DTNBP1: variants seen among roughly 807,000 people sequenced by gnomAD.
DTNBP1 encodes dystrobrevin binding protein 1, also known as dysbindin.
A neutral mutation model predicts 42.8 loss-of-function variants in DTNBP1; 35 were observed. That is an observed-to-expected ratio of 0.82 (90% CI 0.63 to 1.09). The LOEUF (loss-of-function observed/expected upper bound fraction) is 1.09. Ranked by LOEUF, DTNBP1 falls within the 50% of genes least tolerant of loss-of-function variation. DTNBP1 has a pLI of 0.00. For synonymous variants in DTNBP1, 171 were observed against 162.2 expected, an observed-to-expected ratio of 1.05 and a Z score of -0.41; for missense variants, 457 against 424.2, an observed-to-expected ratio of 1.08 and a Z score of -0.68.
At chr6:15,528,643 G>A (rs1432840464) in intron 8 of DTNBP1, among the ~76,000 whole-genome samples, 4 of 152,178 alleles carry the variant, frequency 2.6e-5, no homozygotes, top group Admixed American at 1.3e-4. Context: ...AAGTGCCGGC[G>A]AAGATGTAAT....
At chr6:15,612,100 T>C (rs1758439233) in intron 6 of DTNBP1, among the ~76,000 whole-genome samples, 1 of 152,200 alleles carries the variant, frequency 6.6e-6, no homozygotes, top group Admixed American at 6.5e-5. Context: ...CAAACTTCAT[T>C]GTTATCTTAT....
chr6:15,613,726 T>C (rs961968564), intron 6 of DTNBP1, among the ~76,000 whole-genome samples: 1 of 152,078 alleles, frequency 6.6e-6, no homozygotes, highest in African/African-American at 2.4e-5. Flanking sequence ...ACAAATGAAA[T>C]GTACAGAAAG....
At chr6:15,529,738 G>A (rs1025252878) in intron 8 of DTNBP1, among the ~76,000 whole-genome samples, 3 of 152,250 alleles carry the variant, frequency 2.0e-5, no homozygotes, top group Admixed American at 6.5e-5. Flanking sequence ...AGTAACTGCA[G>A]GATATCCTGA....
At chr6:15,584,360 G>A (rs1775967852) in intron 7 of DTNBP1, among the ~76,000 whole-genome samples, 1 of 152,018 alleles carries the variant, frequency 6.6e-6, no homozygotes, top group Non-Finnish European at 1.5e-5. Context: ...GAGAAAATAT[G>A]TCATTTATCA....
At chr6:15,592,535 G>A (rs557763579) in intron 7 of DTNBP1, among the ~76,000 whole-genome samples, 7 of 152,220 alleles carry the variant, frequency 4.6e-5, no homozygotes, top group African/African-American at 1.7e-4. Flanking sequence ...AAAAAGTAAT[G>A]CTGGGTGCTT....
intron 7 of DTNBP1, among the ~76,000 whole-genome samples, chr6:15,560,852 GTCTAC>G (rs1455756684): frequency 2.0e-5 from 3 of 152,180 alleles, no homozygotes; most frequent in Non-Finnish European, 4.4e-5. Flanking sequence ...TTAATAAGAA[GTCTAC>G]TCTAAGATTC....
In DTNBP1 at chr6:15,531,120, G is replaced by T. The variant is rs143547623; in HGVS notation, c.667+2120C>A. On this transcript the variant is annotated intron_variant, in intron 8 of 9. Coordinates refer to ENST00000344537, the MANE Select transcript of DTNBP1 (RefSeq NM_032122.5). ...ATAGGGAGAAGGGGGCCGTCTATAA[G>T]CAAGGAAGAGAGCCCTCATCAGAAA... Among the ~76,000 whole-genome samples the T allele has an allele frequency of 4.7e-3, 716 of 152,282 alleles. 6 individuals are homozygous for T. The highest frequency in any genetic ancestry group is 0.016 in the African/African-American group (660 of 41,550).
chr6:15,522,973 A>AT lies in DTNBP1; in HGVS notation c.*1dup, dbSNP rs1561928917. On this transcript the variant is annotated 3_prime_UTR_variant, in exon 10 of 10. Transcript: ENST00000344537. Reference sequence around the variant, plus strand: ...GTGGCCAGACAACGCCCATGTCCCAATTTAAGAGTCGCTGTCCTCACCACC... The same window carrying AT: ...GTGGCCAGACAACGCCCATGTCCCAATTTTAAGAGTCGCTGTCCTCACCACC... The AT allele has an allele frequency of 3.1e-6, 5 of 1,614,198 alleles. No individual in the cohort carries two copies. Among genetic ancestry groups the AT allele is most frequent in the South Asian group, 1.1e-5 (1 of 91,086 alleles).
At chr6:15,524,721 AAAGG>A in intron 8 of DTNBP1, 52 bp from the exon 9 acceptor site, 1 of 1,600,678 alleles carries the variant, frequency 6.2e-7, no homozygotes, top group Non-Finnish European at 8.5e-7. Flanking sequence ...TATTACTTTA[AAAGG>A]TGAACTTCCA....
At chr6:15,574,611 C>T (rs1775484883) in intron 7 of DTNBP1, among the ~76,000 whole-genome samples, 1 of 152,212 alleles carries the variant, frequency 6.6e-6, no homozygotes, top group Admixed American at 6.5e-5. Flanking sequence ...CTCCAGTGTG[C>T]ACAGAAATAA....
chr6:15,630,228 T>G (rs1562001828), intron 4 of DTNBP1, among the ~76,000 whole-genome samples: 1 of 152,242 alleles, frequency 6.6e-6, no homozygotes, highest in Admixed American at 6.5e-5. Context: ...CTTCATTTTA[T>G]TTGATTTCCA....
At chr6:15,643,800 G>A (rs148376873) in intron 3 of DTNBP1, among the ~76,000 whole-genome samples, 1 of 152,106 alleles carries the variant, frequency 6.6e-6, no homozygotes, top group African/African-American at 2.4e-5. Flanking sequence ...TCTAAACATG[G>A]AAATGAAAGA....
intron 7 of DTNBP1, among the ~76,000 whole-genome samples, chr6:15,584,057 C>G (rs921443255): frequency 3.3e-5 from 5 of 152,024 alleles, no homozygotes; most frequent in Non-Finnish European, 7.4e-5. Flanking sequence ...AATTAACAAA[C>G]AGGATATAAA....
At chr6:15,605,583 ATC>A (rs1758000793) in intron 6 of DTNBP1, among the ~76,000 whole-genome samples, 1 of 152,134 alleles carries the variant, frequency 6.6e-6, no homozygotes, top group Admixed American at 6.5e-5. Flanking sequence ...TAAATTTATC[ATC>A]TGTCTTCCTC....
At chr6:15,643,466 G>C (rs1760492870) in intron 3 of DTNBP1, among the ~76,000 whole-genome samples, 1 of 152,052 alleles carries the variant, frequency 6.6e-6, no homozygotes, top group South Asian at 2.1e-4. Flanking sequence ...TACCATATAA[G>C]ATGACATCCC....
chr6:15,600,912 C>A (rs1286674029), intron 6 of DTNBP1, among the ~76,000 whole-genome samples: 4 of 152,168 alleles, frequency 2.6e-5, no homozygotes, highest in African/African-American at 7.2e-5. Context: ...GAGAGACCTG[C>A]ACTGAATACA....
chr6:15,538,028 G>A (rs913896338), intron 7 of DTNBP1, among the ~76,000 whole-genome samples: 1 of 152,174 alleles, frequency 6.6e-6, no homozygotes, highest in Non-Finnish European at 1.5e-5. Flanking sequence ...TCACAGGGGT[G>A]CAGGGAGAAT....
intron 6 of DTNBP1, among the ~76,000 whole-genome samples, chr6:15,609,901 T>C (rs1394445654): frequency 2.0e-5 from 3 of 152,180 alleles, no homozygotes; most frequent in African/African-American, 4.8e-5. Flanking sequence ...GGCCTTTTCT[T>C]GTGGGCTGGT....
chr6:15,583,158 T>G (rs973063751), intron 7 of DTNBP1, among the ~76,000 whole-genome samples: 6 of 152,224 alleles, frequency 3.9e-5, no homozygotes, highest in African/African-American at 1.4e-4. Context: ...TTTTTAAATT[T>G]TTTTGTAGAG....
Sources: allele counts gnomAD v4.1 joint callset (sites outside exome capture counted in the v4.1 genomes callset), GRCh38; gene constraint gnomAD v4.1.1; transcripts MANE v1.5; gene names NCBI Gene and HGNC (gene_info 2026-07-23, HGNC 2026-07-21).